The following CYLC1 variants were observed in gnomAD, a reference collection of about 807,000 sequenced individuals.
The protein encoded by CYLC1 is cylicin 1, also known as cylicin-1.
Under a neutral mutation model 31.6 loss-of-function variants are expected in CYLC1, and 2 were observed. That is an observed-to-expected ratio of 0.06 (90% CI 0.03 to 0.20). The LOEUF is 0.20. Among genes scored for constraint, CYLC1 ranks in the 10% least tolerant of loss-of-function variants. CYLC1 has a pLI of 1.00. For missense variants in CYLC1, 595 were observed against 424.1 expected, an observed-to-expected ratio of 1.40 and a Z score of -3.54; for synonymous variants, 185 against 153.0, an observed-to-expected ratio of 1.21 and a Z score of -1.54.
intron 4 of CYLC1, 80 bp from the exon 5 acceptor site, chrX:83,886,472 C>G (rs1313826213): frequency 1.5e-5 from 14 of 946,623 alleles, no homozygotes; most frequent in Non-Finnish European, 2.1e-5. Flanking sequence ...TCGTGTGATC[C>G]TTAACACATC....
At chrX:83,882,391 T>G (rs2031923822) in intron 4 of CYLC1, among the ~76,000 whole-genome samples, 1 of 110,731 alleles carries the variant, frequency 9.0e-6, no homozygotes, top group Non-Finnish European at 1.9e-5. Flanking sequence ...TTTTCTCTTC[T>G]GTTCTTCATT....
At chrX:83,867,966 G>A (rs1250642756) in intron 1 of CYLC1, among the ~76,000 whole-genome samples, 1 of 111,327 alleles carries the variant, frequency 9.0e-6, no homozygotes, top group Non-Finnish European at 1.9e-5. Context: ...TAAGTTTGAG[G>A]ATTAAATTCA....
At chrX:83,875,514 T>A (rs928491961) in intron 4 of CYLC1, among the ~76,000 whole-genome samples, 4 of 111,487 alleles carry the variant, frequency 3.6e-5, no homozygotes, top group African/African-American at 1.3e-4. Flanking sequence ...GCAAGTCACA[T>A]CTTACTTGGA....
intron 4 of CYLC1, among the ~76,000 whole-genome samples, chrX:83,884,926 C>A (rs1200277074): frequency 9.1e-6 from 1 of 110,482 alleles, no homozygotes; most frequent in East Asian, 2.8e-4. Context: ...TAGACATTAC[C>A]CAAACTCTTT....
chrX:83,875,187 C>T (rs900573092), intron 4 of CYLC1, among the ~76,000 whole-genome samples: 2 of 110,934 alleles, frequency 1.8e-5, no homozygotes, highest in African/African-American at 6.5e-5. Context: ...GTTAACTTTT[C>T]AGAAATAACT....
chrX:83,862,655 A>T (rs1233275429), intron 1 of CYLC1, among the ~76,000 whole-genome samples: 1 of 112,776 alleles, frequency 8.9e-6, no homozygotes, highest in Non-Finnish European at 1.9e-5. Context: ...GACATTTCTA[A>T]TTTGATTCTG....
At chrX:83,885,367 A>G (rs1329374364) in intron 4 of CYLC1, among the ~76,000 whole-genome samples, 3 of 110,421 alleles carry the variant, frequency 2.7e-5, no homozygotes, top group Non-Finnish European at 5.7e-5. Flanking sequence ...GATAATTTAT[A>G]CAGGAGGAAA....
intron 4 of CYLC1, among the ~76,000 whole-genome samples, chrX:83,877,899 AATATATATAAATATATAT>A (rs1243405816): frequency 1.4e-3 from 29 of 20,302 alleles, no homozygotes; most frequent in Admixed American, 5.3e-3. Context: ...TATATATACA[AATATATATAAATATATAT>A]ATATATATAA....
chrX:83,868,758 T>C (rs1477086552), intron 1 of CYLC1, among the ~76,000 whole-genome samples: 1 of 111,556 alleles, frequency 9.0e-6, no homozygotes, highest in East Asian at 2.8e-4. Context: ...TGTTTCTTTG[T>C]ATCTATATTC....
intron 4 of CYLC1, among the ~76,000 whole-genome samples, chrX:83,875,671 A>C (rs1045924266): frequency 2.7e-5 from 3 of 111,610 alleles, no homozygotes; most frequent in Non-Finnish European, 5.7e-5. Context: ...CTCCCACGAC[A>C]TGTGTGAATT....
chrX:83,876,784 T>C (rs1602306193), intron 4 of CYLC1, among the ~76,000 whole-genome samples: 1 of 111,393 alleles, frequency 9.0e-6, no homozygotes, highest in Non-Finnish European at 1.9e-5. Context: ...TGGTAGATTT[T>C]AACCACCTTT....
rs776084382 is a variant in CYLC1 at position 83,882,909 on chromosome X, T to C, written c.1924-3643T>C. On this transcript the variant is annotated intron_variant, in intron 4 of 4. Coordinates refer to ENST00000329312, the MANE Select transcript of CYLC1 (RefSeq NM_021118.3). ...TTTTTAATTTAAATTTAATCCACCA[T>C]TGGGGCCTTTTCTGTTATTCTGGTA... is the stretch of plus-strand genomic sequence containing the variant. Among the ~76,000 whole-genome samples, 11 of 111,156 alleles carry C rather than the reference T, an allele frequency of 9.9e-5. No individual in the cohort carries two copies. In the South Asian group the frequency reaches 3.8e-3, roughly 38 times the overall value.
intron 4 of CYLC1, among the ~76,000 whole-genome samples, chrX:83,880,353 C>T (rs772211988): frequency 1.8e-5 from 2 of 111,662 alleles, no homozygotes; most frequent in Admixed American, 9.6e-5. Context: ...AAACTGTCAT[C>T]GATGTCCAAA....
intron 4 of CYLC1, among the ~76,000 whole-genome samples, chrX:83,879,133 T>A (rs1354627352): frequency 9.0e-6 from 1 of 110,871 alleles, no homozygotes; most frequent in Non-Finnish European, 1.9e-5. Context: ...GGTGTTTTGT[T>A]TTCCATTCTG....
At chrX:83,868,561 A>G (rs5922880) in intron 1 of CYLC1, among the ~76,000 whole-genome samples, 25,070 of 110,091 alleles carry the variant, frequency 0.23, 2,801 homozygotes, top group Admixed American at 0.38. Context: ...TCTATCTGAG[A>G]CTGATTCTGG....
chrX:83,878,472 T>TAA (rs2031858827), intron 4 of CYLC1, among the ~76,000 whole-genome samples: 1 of 61,325 alleles, frequency 1.6e-5, no homozygotes, highest in African/African-American at 6.6e-5. Context: ...TAAATATATA[T>TAA]ATAAATATAT....
rs1226081833 is a variant in CYLC1 at position 83,878,019 on chromosome X, A to T, written c.1923+3388A>T. On this transcript the variant is annotated intron_variant, in intron 4 of 4. Transcript: ENST00000329312. Reference sequence around the variant, plus strand: ...ATTTGTATATAAATATATATATAAAAATATATATATTTGTATATAAATATA... The same window carrying T: ...ATTTGTATATAAATATATATATAAATATATATATATTTGTATATAAATATA... Among the ~76,000 whole-genome samples, 6 of 67,391 alleles carry T rather than the reference A, an allele frequency of 8.9e-5. 1 individual carries two copies. The highest frequency in any genetic ancestry group is 1.3e-4 in the Non-Finnish European group (5 of 39,517). The allele number at this position is 67,391 out of a possible 115,157, so 58.5% of individuals were successfully genotyped here.
intron 4 of CYLC1, among the ~76,000 whole-genome samples, chrX:83,884,401 T>A (rs2031954443): frequency 9.0e-6 from 1 of 111,639 alleles, no homozygotes; most frequent in African/African-American, 3.2e-5. Context: ...TGCTAACTGT[T>A]CCTTTTGCCA....
At chrX:83,867,177 G>T (rs1258928456) in intron 1 of CYLC1, among the ~76,000 whole-genome samples, 3 of 111,439 alleles carry the variant, frequency 2.7e-5, no homozygotes, top group Admixed American at 9.6e-5. Context: ...TTTTTATGAT[G>T]ATTTACGTAT....
Sources: allele counts gnomAD v4.1 joint callset (sites outside exome capture counted in the v4.1 genomes callset), GRCh38; gene constraint gnomAD v4.1.1; transcripts MANE v1.5; gene names NCBI Gene and HGNC (gene_info 2026-07-23, HGNC 2026-07-21).